The following BEND5 variants were observed in gnomAD, a reference collection of about 807,000 sequenced individuals.
BEND5 encodes BEN domain containing 5, also known as BEN domain-containing protein 5.
Under a neutral mutation model 43.9 loss-of-function variants are expected in BEND5, and 22 were observed. The ratio of observed to expected loss-of-function variants is 0.50; its 90% CI spans 0.36 to 0.72. BEND5 has a LOEUF of 0.72. Ranked by LOEUF, BEND5 falls within the 30% of genes least tolerant of loss-of-function variation. BEND5 has a pLI of 0.00. For synonymous variants in BEND5, 228 were observed against 225.9 expected (o/e 1.01, Z -0.08); for missense variants, 428 against 550.6 (o/e 0.78, Z 2.23).
At chr1:48,728,254 A>G (rs1164103360) in intron 5 of BEND5, among the ~76,000 whole-genome samples, 1 of 152,340 alleles carries the variant, frequency 6.6e-6, no homozygotes, top group East Asian at 1.9e-4. Context: ...GTAATGATAA[A>G]GTGTCCACGT....
At chr1:48,741,953 T>C (rs1649980083) in intron 4 of BEND5, among the ~76,000 whole-genome samples, 2 of 152,248 alleles carry the variant, frequency 1.3e-5, no homozygotes, top group Non-Finnish European at 1.5e-5. Context: ...CCTGCTGGTA[T>C]ATCATCATGT....
chr1:48,733,006 G>A (rs1648398727), intron 5 of BEND5, among the ~76,000 whole-genome samples: 1 of 152,180 alleles, frequency 6.6e-6, no homozygotes, highest in African/African-American at 2.4e-5. Context: ...TAGAGACGAG[G>A]AAGTCACTGG....
At chr1:48,764,638 G>A (rs1407345333) in intron 1 of BEND5, among the ~76,000 whole-genome samples, 1 of 152,222 alleles carries the variant, frequency 6.6e-6, no homozygotes, top group Non-Finnish European at 1.5e-5. Flanking sequence ...GTGTGCAGAT[G>A]TGGAATAAAC....
intron 1 of BEND5, among the ~76,000 whole-genome samples, chr1:48,773,773 C>T (rs1224587582): frequency 6.6e-6 from 1 of 152,176 alleles, no homozygotes; most frequent in Admixed American, 6.5e-5. Context: ...TGGCTGTAGG[C>T]AAGTCTCTGA....
intron 2 of BEND5, among the ~76,000 whole-genome samples, chr1:48,759,527 T>G (rs557426335): frequency 1.3e-5 from 2 of 152,354 alleles, no homozygotes; most frequent in South Asian, 4.1e-4. Flanking sequence ...GGACACTGGT[T>G]TCCCAGGCCT....
chr1:48,755,690 T>A (rs1457225301), intron 3 of BEND5, among the ~76,000 whole-genome samples: 1 of 152,138 alleles, frequency 6.6e-6, no homozygotes, highest in South Asian at 2.1e-4. Flanking sequence ...GGGGATATCT[T>A]ACCAGACTTT....
intron 3 of BEND5, among the ~76,000 whole-genome samples, chr1:48,743,346 C>A (rs764423835): frequency 6.6e-6 from 1 of 152,162 alleles, no homozygotes; most frequent in Admixed American, 6.5e-5. Context: ...TATTTTAATG[C>A]AATCAACACA....
chr1:48,729,905 A>G (rs1375220745), intron 5 of BEND5, among the ~76,000 whole-genome samples: 1 of 152,168 alleles, frequency 6.6e-6, no homozygotes, highest in Non-Finnish European at 1.5e-5. Context: ...CTGAGAGACA[A>G]GAAGGTAGGA....
chr1:48,751,066 T>C (rs539024630), intron 3 of BEND5, among the ~76,000 whole-genome samples: 1 of 152,200 alleles, frequency 6.6e-6, no homozygotes, highest in African/African-American at 2.4e-5. Flanking sequence ...TGATTCCACA[T>C]GGCATAGATA....
chr1:48,752,672 A>T (rs2148634918), intron 3 of BEND5, among the ~76,000 whole-genome samples: 1 of 152,250 alleles, frequency 6.6e-6, no homozygotes, highest in East Asian at 1.9e-4. Flanking sequence ...TCTTCAAATG[A>T]TTCTATATCT....
intron 4 of BEND5, among the ~76,000 whole-genome samples, chr1:48,740,749 G>A (rs532142755): frequency 6.6e-6 from 1 of 152,284 alleles, no homozygotes; most frequent in South Asian, 2.1e-4. Context: ...TGATCGTGCA[G>A]ACAGAAGGAA....
intron 5 of BEND5, among the ~76,000 whole-genome samples, chr1:48,734,456 T>A (rs1049597512): frequency 6.6e-5 from 10 of 152,174 alleles, no homozygotes; most frequent in Admixed American, 5.9e-4. Flanking sequence ...TCATCTCCCA[T>A]GTGGTCACTC....
At position 48,758,889 on chromosome 1, in the gene BEND5, G is replaced by T. The variant is rs1644097744; in HGVS notation, c.745+11C>A. The stretch of plus-strand genomic sequence containing the variant: ...CAAGTGGAGTGGTAGGTGACCTGCT[G>T]GGGCACTCACCGCTGCCAAGCCGCA... On this transcript the variant is annotated intron_variant, in intron 3 of 5. Coordinates refer to ENST00000371833, the MANE Select transcript of BEND5 (RefSeq NM_024603.4). 1.3e-6 allele frequency: 2 copies of T among 1,501,334 alleles called. No individual in the cohort carries two copies. Among genetic ancestry groups the T allele is most frequent in the Admixed American group, 2.2e-5 (1 of 44,758 alleles). 93.0% of individuals were successfully genotyped at this position (1,501,334 alleles called of 1,614,324 possible). A position where few individuals can be genotyped will look rare whatever the true frequency, so the allele number is the denominator to read the frequency against.
Position 48,761,341 on chromosome 1 carries a change from A to G in BEND5, c.356T>C (p.Ile119Thr), listed in dbSNP as rs1370286371. 3 of 1,548,556 alleles carry G rather than the reference A, an allele frequency of 1.9e-6. No individual in the cohort carries two copies. The highest frequency in any genetic ancestry group is 2.6e-6 in the Non-Finnish European group (3 of 1,145,952). Residue 119 changes from isoleucine (I) to threonine (T), a missense_variant, in exon 2 of 6, where the codon ATC becomes ACC. This residue lies in a region of BEND5 where 243 missense variants were observed against 286.4 expected (regional missense o/e 0.85). Coordinates refer to ENST00000371833, the MANE Select transcript of BEND5 (RefSeq NM_024603.4). ...YGEEDLQLRHIKRPEGRKPSE... is the reference protein window; with the variant it reads ...YGEEDLQLRHTKRPEGRKPSE... ...AGAAAGGAAAGATTTTGTTACCTTG[A>G]TGTGTCTAAGCTGTAAATCTTCTTC...
intron 1 of BEND5, among the ~76,000 whole-genome samples, chr1:48,771,842 G>A (rs1168783288): frequency 6.6e-6 from 1 of 152,200 alleles, no homozygotes; most frequent in South Asian, 2.1e-4. Flanking sequence ...AAAGCAATAA[G>A]AACATGGCTT....
chr1:48,753,137 C>T (rs559314874), intron 3 of BEND5, among the ~76,000 whole-genome samples: 2 of 152,326 alleles, frequency 1.3e-5, no homozygotes, highest in Non-Finnish European at 2.9e-5. Context: ...AGTTAAGTAA[C>T]TTGCCCGAGG....
intron 3 of BEND5, among the ~76,000 whole-genome samples, chr1:48,748,780 C>T (rs1481141782): frequency 6.6e-6 from 1 of 151,974 alleles, no homozygotes; most frequent in Non-Finnish European, 1.5e-5. Context: ...CTGACTGGGG[C>T]TTTGATGGAT....
Position 48,727,690 on chromosome 1 carries a change from G to A in BEND5, c.*196C>T. On this transcript the variant is annotated 3_prime_UTR_variant, in exon 6 of 6. Coordinates refer to ENST00000371833, the MANE Select transcript of BEND5 (RefSeq NM_024603.4). ...ATTCCCAGAAGGACACCAGTGCCAG[G>A]CTGCTCCTGAGTCTCAGCAAAGCCA... The A allele has an allele frequency of 2.5e-6, 1 of 397,758 alleles. No homozygotes were observed. 24.6% of individuals were successfully genotyped at this position (397,758 alleles called of 1,614,324 possible). A position where few individuals can be genotyped will look rare whatever the true frequency, so the allele number is the denominator to read the frequency against.
intron 5 of BEND5, among the ~76,000 whole-genome samples, chr1:48,734,035 G>A (rs530768532): frequency 1.3e-5 from 2 of 152,238 alleles, no homozygotes; most frequent in Admixed American, 6.5e-5. Flanking sequence ...ATTAGAGGTC[G>A]GTCACCTACC....
Sources: gnomAD v4.1 joint callset for allele counts (sites outside exome capture counted in the v4.1 genomes callset) on GRCh38, gnomAD v4.1.1 for gene constraint, gnomAD v4.1.1 regional missense constraint, MANE v1.5 for transcripts, NCBI Gene and HGNC (gene_info 2026-07-23, HGNC 2026-07-21) for gene names.